Variants in ACSM2A observed in about 807,000 individuals in gnomAD.
ACSM2A encodes the protein acyl-CoA synthetase medium chain family member 2A.
A neutral mutation model predicts 76.6 loss-of-function variants in ACSM2A; 72 were observed. That is an observed-to-expected ratio of 0.94 (90% CI 0.78 to 1.14). ACSM2A has a LOEUF of 1.14. Ranked by LOEUF, ACSM2A falls within the 50% of genes most tolerant of loss-of-function variation. The probability of loss-of-function intolerance (pLI) is 0.00; values close to 1 mark genes in which losing one functional copy is unlikely to be tolerated. For missense variants in ACSM2A, 684 were observed against 708.5 expected, an observed-to-expected ratio of 0.97 and a Z score of 0.39; for synonymous variants, 249 against 255.9, an observed-to-expected ratio of 0.97 and a Z score of 0.26.
At chr16:20,476,640 T>C in intron 8 of ACSM2A, 1 of 986,004 alleles carries the variant, frequency 1.0e-6, no homozygotes, top group Non-Finnish European at 1.2e-6. Context: ...TCTTAATCAC[T>C]CAGCAGCCTC....
chr16:20,459,767 A>C (rs1418582239), intron 1 of ACSM2A, among the ~76,000 whole-genome samples: 1 of 152,188 alleles, frequency 6.6e-6, no homozygotes, highest in Non-Finnish European at 1.5e-5. Context: ...TAATCCTAGA[A>C]TGGAAAGGGA....
intron 4 of ACSM2A, among the ~76,000 whole-genome samples, chr16:20,470,003 A>G (rs1303323789): frequency 1.3e-5 from 2 of 150,646 alleles, no homozygotes; most frequent in Non-Finnish European, 2.9e-5. Context: ...GCACTGATCC[A>G]TTAGCATCTG....
At chr16:20,465,913 G>A (rs1764952396) in intron 3 of ACSM2A, among the ~76,000 whole-genome samples, 186 bp downstream of exon 3, 2 of 152,116 alleles carry the variant, frequency 1.3e-5, no homozygotes, top group South Asian at 4.1e-4. Flanking sequence ...CTTATGCAGG[G>A]TGAACAACAA....
chr16:20,471,785 G>C lies in ACSM2A; in HGVS notation c.894+96G>C, dbSNP rs191761324. ...GTTTGTTTCAATTCATCTAATTTTT[G>C]CTAAACCCCTGCCATGTGGTGAACA... On this transcript the variant is annotated intron_variant, in intron 6 of 13. Transcript: ENST00000573854. 40 of 1,539,508 alleles carry C rather than the reference G, an allele frequency of 2.6e-5. No individual in the cohort carries two copies. In the East Asian group the frequency reaches 3.6e-4, roughly 14 times the overall value.
rs1189558717 is a variant in ACSM2A at position 20,453,508 on chromosome 16, CCT to C, written c.-9+1829_-9+1830del. ...CTTCATAAGCTCAGAATGTAATTCA[CCT>C]CAGGACTACTATTGCACAAATGGAT... On this transcript the variant is annotated intron_variant, in intron 1 of 13. Coordinates refer to ENST00000573854, the MANE Select transcript of ACSM2A (RefSeq NM_001308172.2). 3 of 142,320 alleles carry C rather than the reference CCT, an allele frequency of 2.1e-5. No individual in the cohort carries two copies. In the East Asian group the frequency reaches 7.4e-4, roughly 35 times the overall value. The allele number at this position is 142,320 out of a possible 1,614,324, so 8.8% of individuals were successfully genotyped here.
intron 1 of ACSM2A, among the ~76,000 whole-genome samples, chr16:20,458,777 G>T (rs1409139901): frequency 1.4e-5 from 2 of 142,130 alleles, no homozygotes; most frequent in African/African-American, 2.5e-5. Flanking sequence ...GCACAGGAGT[G>T]TGGCAATGTA....
intron 1 of ACSM2A, among the ~76,000 whole-genome samples, chr16:20,452,958 G>A (rs912284233): frequency 7.2e-5 from 11 of 152,108 alleles, no homozygotes; most frequent in Non-Finnish European, 1.2e-4. Flanking sequence ...TAATGAAGCT[G>A]GTTGGTTGCT....
In ACSM2A at chr16:20,475,457, G is replaced by A; in HGVS notation, c.974+16G>A. ...ATCTTTCCAGGTGATGGGGCTTTGAGGATTGGTAAGAGAGTCTGGCCCCAT... is the reference window on the plus strand; with the variant it reads ...ATCTTTCCAGGTGATGGGGCTTTGAAGATTGGTAAGAGAGTCTGGCCCCAT... On this transcript the variant is annotated intron_variant, in intron 7 of 13. Transcript: ENST00000573854. 6.2e-7 allele frequency: 1 copy of A among 1,613,618 alleles called. No individual in the cohort carries two copies. The highest frequency in any genetic ancestry group is 8.5e-7 in the Non-Finnish European group (1 of 1,179,708).
At chr16:20,470,771 G>C (rs1211102427) in intron 4 of ACSM2A, 1 of 560,316 alleles carries the variant, frequency 1.8e-6, no homozygotes, top group East Asian at 4.3e-5. Context: ...CATTTCTTTG[G>C]TGGTAGAGAT....
At chr16:20,483,335 T>C (rs974245634) in intron 13 of ACSM2A, among the ~76,000 whole-genome samples, 158 bp downstream of exon 13, 36 of 151,974 alleles carry the variant, frequency 2.4e-4, no homozygotes, top group African/African-American at 8.0e-4. Context: ...TTTGGGAGGC[T>C]GAGGCGGGTG....
intron 6 of ACSM2A, among the ~76,000 whole-genome samples, chr16:20,472,224 T>C (rs1210415241): frequency 1.3e-5 from 2 of 152,178 alleles, no homozygotes; most frequent in Admixed American, 6.5e-5. Context: ...TAAAATACCA[T>C]AGTCTAGGTG....
chr16:20,480,538 C>T (rs1437604406), intron 10 of ACSM2A, 35 bp from the exon 11 acceptor site: 3 of 1,602,064 alleles, frequency 1.9e-6, no homozygotes, highest in South Asian at 2.2e-5. Context: ...TTAGGCTTTG[C>T]AGGCACAATG....
intron 10 of ACSM2A, among the ~76,000 whole-genome samples, chr16:20,479,037 T>C (rs995672997): frequency 2.6e-5 from 4 of 152,206 alleles, no homozygotes; most frequent in African/African-American, 9.7e-5. Context: ...TCTATGCCAT[T>C]GATCTTCTTT....
At chr16:20,458,848 T>C (rs1339616032) in intron 1 of ACSM2A, among the ~76,000 whole-genome samples, 4 of 142,410 alleles carry the variant, frequency 2.8e-5, no homozygotes, top group Non-Finnish European at 4.6e-5. Context: ...AAGAATTTTT[T>C]ATATTTTTTA....
intron 2 of ACSM2A, among the ~76,000 whole-genome samples, chr16:20,461,475 C>T (rs377643101): frequency 1.3e-5 from 2 of 152,112 alleles, no homozygotes; most frequent in East Asian, 3.9e-4. Flanking sequence ...GCTATATAAA[C>T]ATCAAAAAAT....
intron 1 of ACSM2A, among the ~76,000 whole-genome samples, chr16:20,456,933 A>G (rs540645935): frequency 6.6e-6 from 1 of 152,078 alleles, no homozygotes; most frequent in African/African-American, 2.4e-5. Context: ...AAGAACAAAG[A>G]AAATCCAAAT....
chr16:20,478,660 A>T lies in ACSM2A; in HGVS notation c.1264A>T (p.Ile422Phe). ...GGTCAAACCCATCAGGCCTATAGGC[A>T]TCTTCTCTGGCTATGTGGTGAGAAA... Reference protein sequence around the residue: ...IRVKPIRPIGIFSGYVDNPDK... With the variant: ...IRVKPIRPIGFFSGYVDNPDK... The change falls in exon 10 of 14, where the codon ATC becomes TTC. Residue 422 changes from isoleucine (I) to phenylalanine (F), a missense_variant. Physicochemically the swap from Ile to Phe is conservative, Grantham distance 21 (BLOSUM62 0). This residue lies in a region of ACSM2A where 519 missense variants were observed against 549.5 expected (regional missense o/e 0.94). Transcript: ENST00000573854. 6.2e-7 allele frequency: 1 copy of T among 1,613,092 alleles called. No homozygotes were observed. Among genetic ancestry groups the T allele is most frequent in the South Asian group, 1.1e-5 (1 of 90,926 alleles).
intron 13 of ACSM2A, among the ~76,000 whole-genome samples, chr16:20,483,524 T>C (rs1459494218): frequency 8.3e-6 from 1 of 120,634 alleles, no homozygotes; most frequent in Non-Finnish European, 1.6e-5. Flanking sequence ...GAGCCGAGAT[T>C]GTGCCACTGC....
Position 20,475,372 on chromosome 16 carries a change from G to A in ACSM2A, c.905G>A (p.Ser302Asn). ...GCTCTTGTCTTCCAGACACTCTCCA[G>A]TTATCCAATCAAGAGTATGATGGGT... is the stretch of plus-strand genomic sequence containing the variant. ...DPLVILKTLS[S>N]YPIKSMMGAP... The change falls in exon 7 of 14, where the codon AGT (serine) becomes AAT (asparagine). Residue 302 changes from serine (S) to asparagine (N), a missense_variant. By Grantham distance (46) the Ser-to-Asn change is conservative (BLOSUM62 1). Coordinates refer to ENST00000573854, the MANE Select transcript of ACSM2A (RefSeq NM_001308172.2). The A allele has an allele frequency of 6.2e-7, 1 of 1,613,762 alleles. No homozygotes were observed. The highest frequency in any genetic ancestry group is 8.5e-7 in the Non-Finnish European group (1 of 1,179,716).
Sources: allele counts gnomAD v4.1 joint callset (sites outside exome capture counted in the v4.1 genomes callset), GRCh38; gene constraint gnomAD v4.1.1; regional missense constraint gnomAD v4.1.1; transcripts MANE v1.5; gene names NCBI Gene and HGNC (gene_info 2026-07-23, HGNC 2026-07-21).